GNE: variants seen among roughly 807,000 people sequenced by gnomAD.
GNE encodes the protein glucosamine (UDP-N-acetyl)-2-epimerase/N-acetylmannosamine kinase.
In GNE, 41 loss-of-function variants were observed where a neutral mutation model predicts 61.8. The ratio of observed to expected loss-of-function variants is 0.66; its 90% CI spans 0.52 to 0.86. The LOEUF (loss-of-function observed/expected upper bound fraction) is 0.86. GNE is among the 40% of genes least tolerant of loss of function. The pLI is 0.00. For missense variants in GNE, 608 were observed against 909.1 expected (o/e 0.67, Z 4.26); for synonymous variants, 264 against 326.4 (o/e 0.81, Z 2.06).
chr9:36,256,431 G>C (rs1830350680), intron 1 of GNE, among the ~76,000 whole-genome samples: 1 of 151,218 alleles, frequency 6.6e-6, no homozygotes, highest in African/African-American at 2.4e-5. Flanking sequence ...TTTTAGTAGA[G>C]ATGAGGTTTC....
intron 1 of GNE, among the ~76,000 whole-genome samples, chr9:36,257,594 G>A (rs924760051): frequency 4.6e-5 from 7 of 151,606 alleles, no homozygotes; most frequent in African/African-American, 1.7e-4. Flanking sequence ...ACGAGGTCAG[G>A]AGATCGAGAC....
intron 3 of GNE, among the ~76,000 whole-genome samples, chr9:36,245,428 T>C (rs1394867776): frequency 6.6e-6 from 1 of 151,958 alleles, no homozygotes; most frequent in Admixed American, 6.6e-5. Context: ...CTCACACCTG[T>C]AATCCCAGCA....
At chr9:36,245,215 G>A (rs1829819613) in intron 3 of GNE, among the ~76,000 whole-genome samples, 1 of 151,972 alleles carries the variant, frequency 6.6e-6, no homozygotes. Context: ...AGTGAGCCGA[G>A]ATTGTGCCAC....
At position 36,237,950 on chromosome 9, in the gene GNE, T is replaced by C. The variant is rs573505599; in HGVS notation, c.617-966A>G. 2.6e-5 allele frequency among the ~76,000 whole-genome samples: 4 copies of C among 152,328 alleles called. No individual in the cohort carries two copies. The South Asian group carries it at 8.3e-4, about 32-fold the overall frequency. On this transcript the variant is annotated intron_variant, in intron 3 of 11. Coordinates refer to ENST00000642385, the MANE Select transcript of GNE (RefSeq NM_005476.7). ...TCCTGAGTTACTTCACTTAGAATAATAGTGTCCAGTCTCATCTAGGTCACT... is the reference window on the plus strand; with the variant it reads ...TCCTGAGTTACTTCACTTAGAATAACAGTGTCCAGTCTCATCTAGGTCACT...
rs543902779 is a variant in GNE at position 36,252,925 on chromosome 9, G to A, written c.-42-3528C>T. On this transcript the variant is annotated intron_variant, in intron 1 of 11. Coordinates refer to ENST00000642385, the MANE Select transcript of GNE (RefSeq NM_005476.7). ...TGTAATCCCAACACTTTGGGAGGCC[G>A]AGCTGGGTGGATCACGAGAGGTCAG... 4.6e-5 allele frequency among the ~76,000 whole-genome samples: 7 copies of A among 152,228 alleles called. No homozygotes were observed. In the South Asian group the frequency reaches 6.2e-4, roughly 14 times the overall value.
At chr9:36,221,824 C>CAA (rs1228824817) in intron 9 of GNE, among the ~76,000 whole-genome samples, 1 of 152,006 alleles carries the variant, frequency 6.6e-6, no homozygotes, top group Non-Finnish European at 1.5e-5. Context: ...AAAAACAAAA[C>CAA]AAAACCAGCT....
chr9:36,236,608 G>A (rs955443705), intron 4 of GNE, among the ~76,000 whole-genome samples: 1 of 152,194 alleles, frequency 6.6e-6, no homozygotes, highest in Non-Finnish European at 1.5e-5. Context: ...AAAGTAGACA[G>A]TAGACAGACT....
upstream of GNE, among the ~76,000 whole-genome samples, chr9:36,261,341 G>A (rs1013311006): frequency 6.6e-6 from 1 of 151,936 alleles, no homozygotes; most frequent in Non-Finnish European, 1.5e-5. Flanking sequence ...GGCGGATCAC[G>A]ACGTCAGGAG....
intron 1 of GNE, among the ~76,000 whole-genome samples, chr9:36,267,448 A>G (rs1347389408): frequency 6.6e-6 from 1 of 152,002 alleles, no homozygotes; most frequent in Non-Finnish European, 1.5e-5. Flanking sequence ...TGTAATCCCA[A>G]CACTTTGGGA....
chr9:36,216,535 A>G lies in GNE; in HGVS notation c.*830T>C. ...ATTTTAGTAGAGATGGGGTTTCACC[A>G]TGTTGGCCAGGCTGGTCTTGAACTC... On this transcript the variant is annotated 3_prime_UTR_variant, in exon 12 of 12. Coordinates refer to ENST00000642385, the MANE Select transcript of GNE (RefSeq NM_005476.7). The G allele has an allele frequency of 4.8e-6, 1 of 206,632 alleles. No individual in the cohort carries two copies. Among genetic ancestry groups the G allele is most frequent in the South Asian group, 6.0e-5 (1 of 16,782 alleles). The allele number at this position is 206,632 out of a possible 1,614,324, so 12.8% of individuals were successfully genotyped here.
intron 1 of GNE, among the ~76,000 whole-genome samples, chr9:36,273,545 A>C (rs1486104908): frequency 2.6e-5 from 4 of 151,796 alleles, no homozygotes; most frequent in Non-Finnish European, 5.9e-5. Context: ...GTGTTTTGAA[A>C]TACACTGTTT....
At chr9:36,254,020 G>A (rs1830225241) in intron 1 of GNE, among the ~76,000 whole-genome samples, 1 of 151,754 alleles carries the variant, frequency 6.6e-6, no homozygotes. Flanking sequence ...CTGGGAGACT[G>A]ATCGAGACTC....
intron 1 of GNE, among the ~76,000 whole-genome samples, chr9:36,250,457 G>C (rs931996062): frequency 2.0e-5 from 3 of 152,204 alleles, no homozygotes; most frequent in Non-Finnish European, 4.4e-5. Context: ...CTCCTCAATT[G>C]TTCTCTGAGT....
chr9:36,232,084 A>G (rs1353728465), intron 5 of GNE, among the ~76,000 whole-genome samples: 4 of 152,192 alleles, frequency 2.6e-5, no homozygotes, highest in African/African-American at 9.7e-5. Flanking sequence ...CCAATTCTTC[A>G]TAATTGCCAC....
intron 10 of GNE, among the ~76,000 whole-genome samples, chr9:36,219,603 C>A (rs1828491577): frequency 6.6e-6 from 1 of 152,178 alleles, no homozygotes; most frequent in Admixed American, 6.5e-5. Context: ...AGGAAATCTT[C>A]CCTGCTGTCT....
chr9:36,264,113 C>CT (rs1263814660), intron 1 of GNE, among the ~76,000 whole-genome samples: 1 of 151,870 alleles, frequency 6.6e-6, no homozygotes, highest in Non-Finnish European at 1.5e-5. Flanking sequence ...CTTAAATCAT[C>CT]TTTTTATTTA....
In GNE at chr9:36,246,198, A is replaced by T. The variant is rs746072359; in HGVS notation, c.449T>A (p.Ile150Lys). 6.2e-7 allele frequency: 1 copy of T among 1,614,224 alleles called. No individual in the cohort carries two copies. The highest frequency in any genetic ancestry group is 8.5e-7 in the Non-Finnish European group (1 of 1,180,040). The change falls in exon 3 of 12, where the codon ATA (isoleucine) becomes AAA (lysine). Residue 150 changes from isoleucine (I) to lysine (K), a missense_variant. Ile to Lys is a moderately radical substitution (Grantham distance 102). Transcript: ENST00000642385. ...GTIDDSIRHA[I>K]TKLAHYHVCC... ...CACATGATAATGAGCCAGTTTTGTT[A>T]TGGCATGTCTGATAGAGTCATCAAT...
At chr9:36,265,123 C>A in intron 1 of GNE, 1 of 287,952 alleles carries the variant, frequency 3.5e-6, no homozygotes, top group Admixed American at 4.1e-5. Flanking sequence ...CTGCTGCTCC[C>A]GATCGGGCTG....
At chr9:36,249,432 A>G (rs1446002057) in intron 1 of GNE, 35 bp from the exon 2 acceptor site, 3 of 1,393,524 alleles carry the variant, frequency 2.2e-6, no homozygotes, top group Middle Eastern at 3.6e-4. Context: ...TATAATCAGA[A>G]TAACTCCTAG....
Sources: allele counts gnomAD v4.1 joint callset (sites outside exome capture counted in the v4.1 genomes callset), GRCh38; gene constraint gnomAD v4.1.1; transcripts MANE v1.5; gene names NCBI Gene and HGNC (gene_info 2026-07-23, HGNC 2026-07-21).